The following MAPK8 variants were observed in gnomAD, a reference collection of about 807,000 sequenced individuals.
MAPK8 encodes the protein mitogen-activated protein kinase 8, also known as JUN N-terminal kinase.
In MAPK8, 13 loss-of-function variants were observed where a neutral mutation model predicts 52.9. That is an observed-to-expected ratio of 0.25 (90% confidence interval 0.16 to 0.39). MAPK8 has a LOEUF of 0.39. Among genes scored for constraint, MAPK8 ranks in the 10% least tolerant of loss-of-function variants. MAPK8 has a pLI of 1.00. For missense variants in MAPK8, 300 were observed against 519.2 expected, an observed-to-expected ratio of 0.58 and a Z score of 4.10; for synonymous variants, 191 against 169.8, an observed-to-expected ratio of 1.12 and a Z score of -0.97.
At chr10:48,424,633 A>C in intron 7 of MAPK8, 1 of 1,258,890 alleles carries the variant, frequency 7.9e-7, no homozygotes, top group South Asian at 1.4e-5. Flanking sequence ...GTCAAAATGT[A>C]TGATAGCACT....
At position 48,420,041 on chromosome 10, in the gene MAPK8, A is replaced by G. The variant is rs1330638795; in HGVS notation, c.451-114A>G. The G allele has an allele frequency of 2.4e-5, 18 of 765,112 alleles. No homozygotes were observed. The East Asian group carries it at 4.4e-4, about 19-fold the overall frequency. 47.4% of individuals were successfully genotyped at this position (765,112 alleles called of 1,614,324 possible). On this transcript the variant is annotated intron_variant, in intron 5 of 11. Coordinates refer to ENST00000374189, the MANE Select transcript of MAPK8 (RefSeq NM_001323329.2). Reference sequence around the variant, plus strand: ...GAATCAGTGCAGTAATATTACAGTGAGAAAAACGAACAATTAACATGAATG... The same window carrying G: ...GAATCAGTGCAGTAATATTACAGTGGGAAAAACGAACAATTAACATGAATG...
At chr10:48,377,756 C>A (rs1176357188) in intron 1 of MAPK8, among the ~76,000 whole-genome samples, 1 of 151,738 alleles carries the variant, frequency 6.6e-6, no homozygotes, top group Admixed American at 6.6e-5. Context: ...TAACTCTGGA[C>A]TATTATATGA....
intron 1 of MAPK8, among the ~76,000 whole-genome samples, chr10:48,337,672 T>G (rs1039267300): frequency 2.0e-5 from 3 of 152,152 alleles, no homozygotes; most frequent in African/African-American, 4.8e-5. Context: ...GTTCTGTTTG[T>G]CCTTCTAAAG....
rs370766776 is a variant in MAPK8 at position 48,324,503 on chromosome 10, G to GTTTTTTTTTTTTTTTTTTTTTTTTT, written c.-50+17699_-50+17700insTTTTTTTTTTTTTTTTTTTTTTTTT. ...TATACAACAGTTGTCCTGTTTTCTA[G>GTTTTTTTTTTTTTTTTTTTTTTTTT]TTTTTTTTTTTTTTTTTACACTCAT... On this transcript the variant is annotated intron_variant, in intron 1 of 11. Coordinates refer to ENST00000374189, the MANE Select transcript of MAPK8 (RefSeq NM_001323329.2). Among the ~76,000 whole-genome samples, 37 of 117,984 alleles carry GTTTTTTTTTTTTTTTTTTTTTTTTT rather than the reference G, an allele frequency of 3.1e-4. 2 individuals carry two copies. Among genetic ancestry groups the GTTTTTTTTTTTTTTTTTTTTTTTTT allele is most frequent in the South Asian group, 5.8e-4 (2 of 3,432 alleles). The allele number at this position is 117,984 out of a possible 152,430, so 77.4% of individuals were successfully genotyped here. A position where few individuals can be genotyped will look rare whatever the true frequency, so the allele number is the denominator to read the frequency against.
At chr10:48,383,309 G>C (rs1188881202) in intron 1 of MAPK8, among the ~76,000 whole-genome samples, 1 of 152,128 alleles carries the variant, frequency 6.6e-6, no homozygotes, top group African/African-American at 2.4e-5. Context: ...ATTTTTGCTT[G>C]ACTGTACTCT....
In MAPK8 at chr10:48,437,074, A is replaced by C. The variant is rs2044908216; in HGVS notation, c.*2045A>C. ...TCTCTATTGATACAGATTTTGGTTAAGTAAGGAAAACCAGGTGTGTGTCTG... is the reference window on the plus strand; with the variant it reads ...TCTCTATTGATACAGATTTTGGTTACGTAAGGAAAACCAGGTGTGTGTCTG... On this transcript the variant is annotated 3_prime_UTR_variant, in exon 12 of 12. Transcript: ENST00000374189. The C allele has an allele frequency of 6.6e-6, 1 of 152,212 alleles. No homozygotes were observed. The highest frequency in any genetic ancestry group is 2.1e-4 in the South Asian group (1 of 4,832). The allele number at this position is 152,212 out of a possible 1,614,324, so 9.4% of individuals were successfully genotyped here. A position where few individuals can be genotyped will look rare whatever the true frequency, so the allele number is the denominator to read the frequency against.
intron 1 of MAPK8, among the ~76,000 whole-genome samples, chr10:48,338,956 C>T (rs768453374): frequency 2.0e-5 from 3 of 151,976 alleles, no homozygotes; most frequent in Non-Finnish European, 2.9e-5. Flanking sequence ...ATGGAAGAAA[C>T]GTCCCATGCT....
At chr10:48,339,672 A>G (rs570900055) in intron 1 of MAPK8, among the ~76,000 whole-genome samples, 132 of 152,324 alleles carry the variant, frequency 8.7e-4, no homozygotes, top group African/African-American at 3.0e-3. Flanking sequence ...ATATCCAGTA[A>G]AGGACTGATA....
At chr10:48,334,441 A>G (rs1486108263) in intron 1 of MAPK8, among the ~76,000 whole-genome samples, 4 of 151,882 alleles carry the variant, frequency 2.6e-5, no homozygotes, top group African/African-American at 7.3e-5. Context: ...AGTCACACAC[A>G]CTCGACCTCC....
intron 5 of MAPK8, 95 bp from the exon 6 acceptor site, chr10:48,420,060 A>C (rs552349990): frequency 1.1e-6 from 1 of 901,084 alleles, no homozygotes; most frequent in Non-Finnish European, 1.7e-6. Context: ...AACAATTAAC[A>C]TGAATGTTTT....
intron 2 of MAPK8, 142 bp downstream of exon 2, chr10:48,401,924 A>C (rs1179708895): frequency 1.7e-6 from 1 of 603,938 alleles, no homozygotes; most frequent in African/African-American, 2.0e-5. Flanking sequence ...ACTATTCCAC[A>C]GTAAATTGTT....
At position 48,435,856 on chromosome 10, in the gene MAPK8, A is replaced by G. The variant is rs1055511188; in HGVS notation, c.*827A>G. The G allele has an allele frequency of 6.6e-6, 1 of 152,264 alleles. No homozygotes were observed. The highest frequency in any genetic ancestry group is 1.5e-5 in the Non-Finnish European group (1 of 68,054). The allele number at this position is 152,264 out of a possible 1,614,324, so 9.4% of individuals were successfully genotyped here. On this transcript the variant is annotated 3_prime_UTR_variant, in exon 12 of 12. Coordinates refer to ENST00000374189, the MANE Select transcript of MAPK8 (RefSeq NM_001323329.2). ...TTCATGAATAATACATTTCAATGCA[A>G]ATAAACAGATGGTTCACTTCTACTA...
chr10:48,380,427 C>T (rs1479094886), intron 1 of MAPK8, among the ~76,000 whole-genome samples: 2 of 151,864 alleles, frequency 1.3e-5, no homozygotes, highest in Non-Finnish European at 2.9e-5. Flanking sequence ...TATCAGATAT[C>T]AAAGGTTTAA....
chr10:48,325,307 A>C (rs895004161), intron 1 of MAPK8, among the ~76,000 whole-genome samples: 1 of 152,204 alleles, frequency 6.6e-6, no homozygotes, highest in Non-Finnish European at 1.5e-5. Flanking sequence ...CCTCTTGTCA[A>C]CTGGGATTGA....
In MAPK8 at chr10:48,435,032, A is replaced by G. The variant is rs1172028295; in HGVS notation, c.*3A>G. The G allele has an allele frequency of 1.1e-6, 1 of 906,748 alleles. No homozygotes were observed. The allele number at this position is 906,748 out of a possible 1,614,324, so 56.2% of individuals were successfully genotyped here. A position where few individuals can be genotyped will look rare whatever the true frequency, so the allele number is the denominator to read the frequency against. On this transcript the variant is annotated 3_prime_UTR_variant, in exon 12 of 12. Coordinates refer to ENST00000374189, the MANE Select transcript of MAPK8 (RefSeq NM_001323329.2). ...GGCCTCTGGGCTGCTGTAGATGACT[A>G]CTTGGGCCATCGGGGGGTGGGAGGG...
intron 1 of MAPK8, among the ~76,000 whole-genome samples, chr10:48,377,873 T>A (rs1189190467): frequency 6.6e-6 from 1 of 152,170 alleles, no homozygotes; most frequent in African/African-American, 2.4e-5. Context: ...AGAAATAACA[T>A]TGGTTAATGA....
chr10:48,323,956 G>T (rs1377136087), intron 1 of MAPK8, among the ~76,000 whole-genome samples: 2 of 151,986 alleles, frequency 1.3e-5, no homozygotes, highest in African/African-American at 4.8e-5. Context: ...CTGTTTTTTG[G>T]TTCCTTACAA....
chr10:48,419,268 C>T lies in MAPK8; in HGVS notation c.451-887C>T, dbSNP rs113590508. ...GGCTATTTTCCTTTTTTGTATTAAT[C>T]GGTGATATTTAATATGTATACTGCA... On this transcript the variant is annotated intron_variant, in intron 5 of 11. Transcript: ENST00000374189. 1.5e-4 allele frequency among the ~76,000 whole-genome samples: 23 copies of T among 152,134 alleles called. No homozygotes were observed. The South Asian group carries it at 3.9e-3, about 26-fold the overall frequency.
chr10:48,421,146 TGGAATAGCAGTTCATTTTGAATCA>T (rs2043330456), intron 6 of MAPK8, among the ~76,000 whole-genome samples: 1 of 152,212 alleles, frequency 6.6e-6, no homozygotes, highest in African/African-American at 2.4e-5. Context: ...GCAAGGAATC[TGGAATAGCAGTTCATTTTGAATCA>T]GGAAATTGTA....
Sources: allele counts gnomAD v4.1 joint callset (sites outside exome capture counted in the v4.1 genomes callset), GRCh38; gene constraint gnomAD v4.1.1; transcripts MANE v1.5; gene names NCBI Gene and HGNC (gene_info 2026-07-23, HGNC 2026-07-21).